The following CNTLN variants were observed in gnomAD, a reference collection of about 807,000 sequenced individuals.
CNTLN encodes centlein, centrosomal protein.
Under a neutral mutation model 180.0 loss-of-function variants are expected in CNTLN, and 212 were observed. That is an observed-to-expected ratio of 1.18 (90% CI 1.05 to 1.32). The LOEUF is 1.32. Among genes scored for constraint, CNTLN ranks in the 40% most tolerant of loss-of-function variants. CNTLN has a pLI of 0.00. For missense variants in CNTLN, 2,095 were observed against 1,610.9 expected (o/e 1.30, Z -5.14); for synonymous variants, 722 against 563.1 (o/e 1.28, Z -3.99).
intron 25 of CNTLN, among the ~76,000 whole-genome samples, chr9:17,499,100 T>C (rs1295159940): frequency 6.6e-6 from 1 of 152,202 alleles, no homozygotes; most frequent in African/African-American, 2.4e-5. Flanking sequence ...CAAAAAAATA[T>C]GGCAAACAAA....
chr9:17,500,025 A>G lies in CNTLN; in HGVS notation c.4120-2526A>G, dbSNP rs931301015. Reference sequence around the variant, plus strand: ...CTAAAGTTATGTAATGACAAATAATATGATTCTTCTGAACGATTATAGACA... The same window carrying G: ...CTAAAGTTATGTAATGACAAATAATGTGATTCTTCTGAACGATTATAGACA... On this transcript the variant is annotated intron_variant, in intron 25 of 25. Coordinates refer to ENST00000380647, the MANE Select transcript of CNTLN (RefSeq NM_017738.4). 5.3e-5 allele frequency among the ~76,000 whole-genome samples: 8 copies of G among 152,308 alleles called. No individual in the cohort carries two copies. The South Asian group carries it at 8.3e-4, about 16-fold the overall frequency.
intron 2 of CNTLN, among the ~76,000 whole-genome samples, chr9:17,210,620 T>C (rs977437659): frequency 1.3e-5 from 2 of 152,206 alleles, no homozygotes; most frequent in Non-Finnish European, 2.9e-5. Flanking sequence ...TTCTAGATCC[T>C]TGAGGAATCA....
At chr9:17,357,495 G>A (rs905335006) in intron 12 of CNTLN, among the ~76,000 whole-genome samples, 5 of 149,468 alleles carry the variant, frequency 3.3e-5, no homozygotes, top group Middle Eastern at 6.9e-3. Flanking sequence ...ATTTTTTGAG[G>A]CCATACATAT....
intron 16 of CNTLN, among the ~76,000 whole-genome samples, chr9:17,414,514 C>A (rs770860959): frequency 6.6e-6 from 1 of 151,738 alleles, no homozygotes; most frequent in Non-Finnish European, 1.5e-5. Context: ...CTAATTAAAT[C>A]TTAATAAAGC....
intron 14 of CNTLN, among the ~76,000 whole-genome samples, chr9:17,390,646 G>A (rs1183672094): frequency 6.6e-6 from 1 of 152,102 alleles, no homozygotes; most frequent in Non-Finnish European, 1.5e-5. Flanking sequence ...ACTTTTAACA[G>A]TTCCCCAGAC....
At chr9:17,478,045 C>T (rs1832446614) in intron 23 of CNTLN, among the ~76,000 whole-genome samples, 1 of 152,210 alleles carries the variant, frequency 6.6e-6, no homozygotes, top group Non-Finnish European at 1.5e-5. Context: ...CAGTTATCAA[C>T]CTTGAGGCAA....
Position 17,298,316 on chromosome 9 carries a change from A to C in CNTLN, c.1110A>C (p.Glu370Asp), listed in dbSNP as rs1321531877. 6.2e-7 allele frequency: 1 copy of C among 1,613,222 alleles called. No individual in the cohort carries two copies. Among genetic ancestry groups the C allele is most frequent in the African/African-American group, 1.3e-5 (1 of 74,908 alleles). ...CACAAAAAGTACTGAGAAATCAGGA[A>C]GATGTTCACACAGCTGAAAGTATAT... ...MDTQKVLRNQ[E>D]DVHTAESISY... The change falls in exon 7 of 26, where the codon GAA (glutamate) becomes GAC (aspartate). Residue 370 changes from glutamate to aspartate, a missense_variant. Physicochemically the swap from Glu to Asp is conservative, Grantham distance 45. Transcript: ENST00000380647.
intron 8 of CNTLN, among the ~76,000 whole-genome samples, chr9:17,327,349 A>G (rs569245288): frequency 3.3e-5 from 5 of 150,304 alleles, no homozygotes; most frequent in African/African-American, 1.2e-4. Context: ...AGTAGCTGGG[A>G]CTACAGGCGT....
intron 2 of CNTLN, among the ~76,000 whole-genome samples, chr9:17,170,447 G>T (rs1302697643): frequency 6.6e-6 from 1 of 151,930 alleles, no homozygotes; most frequent in Non-Finnish European, 1.5e-5. Flanking sequence ...GGCAAGAGTG[G>T]GTTCTCCTGA....
At chr9:17,143,870 A>G (rs1818273045) in intron 2 of CNTLN, among the ~76,000 whole-genome samples, 1 of 152,186 alleles carries the variant, frequency 6.6e-6, no homozygotes, top group African/African-American at 2.4e-5. Flanking sequence ...TCCTGTAGGA[A>G]CTGCCCAGTC....
At chr9:17,523,145 C>A in the CNTLN span, among the ~76,000 whole-genome samples, 4 of 152,174 alleles carry the variant, frequency 2.6e-5, no homozygotes, top group Non-Finnish European at 5.9e-5. Flanking sequence ...ACTCCACTAT[C>A]TGGATAATGC....
At chr9:17,438,185 T>C (rs1329589026) in intron 18 of CNTLN, among the ~76,000 whole-genome samples, 2 of 152,100 alleles carry the variant, frequency 1.3e-5, no homozygotes, top group East Asian at 3.9e-4. Flanking sequence ...GGTAGTTTTT[T>C]AAAGCTCTCA....
intron 2 of CNTLN, 145 bp downstream of exon 2, chr9:17,143,521 A>T: frequency 1.6e-6 from 1 of 631,182 alleles, no homozygotes. Flanking sequence ...AAATTGTTGG[A>T]TTTATTATGA....
intron 2 of CNTLN, among the ~76,000 whole-genome samples, chr9:17,187,539 T>G (rs1821506990): frequency 6.6e-6 from 1 of 152,052 alleles, no homozygotes; most frequent in South Asian, 2.1e-4. Context: ...TATATTCCCC[T>G]AGTATTTTTT....
chr9:17,365,321 G>T (rs1246202403), intron 12 of CNTLN, among the ~76,000 whole-genome samples: 1 of 152,134 alleles, frequency 6.6e-6, no homozygotes, highest in Non-Finnish European at 1.5e-5. Flanking sequence ...CTTCTGCCAT[G>T]AATGTTAAGT....
intron 5 of CNTLN, among the ~76,000 whole-genome samples, chr9:17,258,332 TCTATATCTCTGTTTTGGTAC>T (rs1826674126): frequency 6.7e-6 from 1 of 149,368 alleles, no homozygotes; most frequent in South Asian, 2.1e-4. Flanking sequence ...GTTCCATTGA[TCTATATCTCTGTTTTGGTAC>T]CAGTACCATG....
In CNTLN at chr9:17,159,476, C is replaced by A. The variant is rs975459198; in HGVS notation, c.449+16100C>A. The stretch of plus-strand genomic sequence containing the variant: ...GGCTTGCCTCTCCTGGCATGACACC[C>A]GTGCATCACAAGCTGGGGTCTCAAT... On this transcript the variant is annotated intron_variant, in intron 2 of 25. Transcript: ENST00000380647. 1.2e-4 allele frequency among the ~76,000 whole-genome samples: 18 copies of A among 152,282 alleles called. 1 individual carries two copies. Among genetic ancestry groups the A allele is most frequent in the Admixed American group, 9.8e-4 (15 of 15,302 alleles).
At position 17,330,798 on chromosome 9, in the gene CNTLN, G is replaced by C; in HGVS notation, c.1508G>C (p.Gly503Ala). Residue 503 changes from glycine (G) to alanine (A), a missense_variant, in exon 9 of 26, where the codon GGA becomes GCA. Transcript: ENST00000380647. ...SRKSIMTSAE[G>A]KHKEPPVKRS... ...AAGAGCATCATGACAAGTGCTGAAG[G>C]AAAACATAAGGTAGGGACATTTTGT... 1 of 1,606,084 alleles carries C rather than the reference G, an allele frequency of 6.2e-7. No homozygotes were observed. Among genetic ancestry groups the C allele is most frequent in the Non-Finnish European group, 8.5e-7 (1 of 1,176,312 alleles).
At chr9:17,471,488 A>G (rs1832040501) in intron 23 of CNTLN, among the ~76,000 whole-genome samples, 1 of 152,140 alleles carries the variant, frequency 6.6e-6, no homozygotes, top group Admixed American at 6.6e-5. Context: ...ATCCTCAGAT[A>G]TTGGGATAAT....
Sources: gnomAD v4.1 joint callset for allele counts (sites outside exome capture counted in the v4.1 genomes callset) on GRCh38, gnomAD v4.1.1 for gene constraint, MANE v1.5 for transcripts, NCBI Gene and HGNC (gene_info 2026-07-23, HGNC 2026-07-21) for gene names.